Variants in SLC5A1 observed in about 807,000 individuals in gnomAD.
SLC5A1 encodes the protein solute carrier family 5 member 1, also known as sodium/glucose cotransporter 1.
In SLC5A1, 42 loss-of-function variants were observed where a neutral mutation model predicts 73.5. The ratio of observed to expected loss-of-function variants is 0.57; its 90% CI spans 0.45 to 0.74. The LOEUF (loss-of-function observed/expected upper bound fraction) is 0.74. SLC5A1 is among the 30% of genes least tolerant of loss of function. The probability of loss-of-function intolerance (pLI) is 0.00; values close to 1 mark genes in which losing one functional copy is unlikely to be tolerated. For synonymous variants in SLC5A1, 300 were observed against 317.4 expected (o/e 0.95, Z 0.58); for missense variants, 634 against 855.4 (o/e 0.74, Z 3.23).
chr22:32,054,051 TA>T (rs1869372733), intron 2 of SLC5A1, among the ~76,000 whole-genome samples: 2 of 152,116 alleles, frequency 1.3e-5, no homozygotes, highest in African/African-American at 4.8e-5. Flanking sequence ...CAGGTGCCTG[TA>T]ATCCCAGCTA....
At chr22:32,098,951 T>G (rs1275116734) in intron 11 of SLC5A1, among the ~76,000 whole-genome samples, 2 of 151,208 alleles carry the variant, frequency 1.3e-5, no homozygotes, top group African/African-American at 4.9e-5. Flanking sequence ...CCGGGCGTGG[T>G]GGCGGGCGCC....
At chr22:32,045,239 G>C (rs77803638) in intron 1 of SLC5A1, among the ~76,000 whole-genome samples, 2 of 152,022 alleles carry the variant, frequency 1.3e-5, no homozygotes, top group African/African-American at 4.8e-5. Context: ...TGATAATATC[G>C]GTTCTCTTAA....
In SLC5A1 at chr22:32,061,828, T is replaced by G. The variant is rs778454190; in HGVS notation, c.208-5107T>G. Reference sequence around the variant, plus strand: ...AGCTTGCTTCATTTTGGATGGCTCATGTTTGGAATAGTCTATTCAGGTCTG... The same window carrying G: ...AGCTTGCTTCATTTTGGATGGCTCAGGTTTGGAATAGTCTATTCAGGTCTG... On this transcript the variant is annotated intron_variant, in intron 2 of 14. Transcript: ENST00000266088. Among the ~76,000 whole-genome samples, 37 of 152,270 alleles carry G rather than the reference T, an allele frequency of 2.4e-4. 1 individual carries two copies. The highest frequency in any genetic ancestry group is 3.1e-4 in the Non-Finnish European group (21 of 68,022).
At chr22:32,101,084 CCT>C (rs2094035489) in intron 12 of SLC5A1, among the ~76,000 whole-genome samples, 1 of 152,054 alleles carries the variant, frequency 6.6e-6, no homozygotes, top group South Asian at 2.1e-4. Context: ...TGTACAAAGA[CCT>C]GGAGACAAAA....
intron 11 of SLC5A1, among the ~76,000 whole-genome samples, chr22:32,096,018 T>C (rs937668479): frequency 2.0e-5 from 3 of 152,178 alleles, no homozygotes; most frequent in African/African-American, 7.2e-5. Context: ...ATTTGGGCTG[T>C]CTCCTGGGTC....
intron 5 of SLC5A1, among the ~76,000 whole-genome samples, chr22:32,077,244 C>T (rs2093992484): frequency 6.6e-6 from 1 of 150,622 alleles, no homozygotes; most frequent in Non-Finnish European, 1.5e-5. Flanking sequence ...CCCTCCCTCC[C>T]TTCCTTCACT....
intron 5 of SLC5A1, among the ~76,000 whole-genome samples, chr22:32,073,574 T>C (rs182119729): frequency 0.013 from 1,929 of 152,270 alleles, 17 homozygotes; most frequent in South Asian, 0.024. Context: ...TTTGTTTTTT[T>C]AGATGTAGTT....
In SLC5A1 at chr22:32,110,626, ATT is replaced by A; in HGVS notation, c.*422_*423del. ...ACTTTTCCTGTCCGTCCTCCTCCCC[ATT>A]TTTTTTTTAAAAGAAAGCTGTTTTC... On this transcript the variant is annotated 3_prime_UTR_variant, in exon 15 of 15. Coordinates refer to ENST00000266088, the MANE Select transcript of SLC5A1 (RefSeq NM_000343.4). 8.0e-6 allele frequency: 2 copies of A among 248,606 alleles called. No homozygotes were observed. The highest frequency in any genetic ancestry group is 1.6e-5 in the Non-Finnish European group (2 of 127,294). The allele number at this position is 248,606 out of a possible 1,614,324, so 15.4% of individuals were successfully genotyped here. A position where few individuals can be genotyped will look rare whatever the true frequency, so the allele number is the denominator to read the frequency against.
Position 32,084,520 on chromosome 22 carries a change from C to A in SLC5A1, c.746C>A (p.Thr249Asn). The A allele has an allele frequency of 6.2e-7, 1 of 1,614,216 alleles. No homozygotes were observed. The highest frequency in any genetic ancestry group is 8.5e-7 in the Non-Finnish European group (1 of 1,180,026). ...AIPTIVSDGN[T>N]TFQEKCYTPR... is the part of the protein sequence containing the mutation. ...CCAACCATAGTGTCTGATGGCAACACCACCTTTCAGGAAAAATGCTACACT... is the reference window on the plus strand; with the variant it reads ...CCAACCATAGTGTCTGATGGCAACAACACCTTTCAGGAAAAATGCTACACT... The change falls in exon 8 of 15, where the codon ACC becomes AAC. Residue 249 changes from threonine to asparagine, a missense_variant. Physicochemically the swap from Thr to Asn is moderately conservative, Grantham distance 65. Coordinates refer to ENST00000266088, the MANE Select transcript of SLC5A1 (RefSeq NM_000343.4).
Position 32,109,984 on chromosome 22 carries a change from G to T in SLC5A1, c.1772-6G>T, listed in dbSNP as rs201685531. On this transcript the variant is annotated splice_region_variant and splice_polypyrimidine_tract_variant and intron_variant, in intron 14 of 14. Transcript: ENST00000266088. Reference sequence around the variant, plus strand: ...TGTCCAATAATTCTTCTATGCCTTTGCCCAGAAACACAAGTTCCTGAGAAG... The same window carrying T: ...TGTCCAATAATTCTTCTATGCCTTTTCCCAGAAACACAAGTTCCTGAGAAG... The T allele has an allele frequency of 8.1e-6, 13 of 1,612,454 alleles. No individual in the cohort carries two copies. In the Admixed American group the frequency reaches 2.0e-4, roughly 25 times the overall value.
chr22:32,064,759 C>T (rs1277902638), intron 2 of SLC5A1, among the ~76,000 whole-genome samples: 1 of 152,178 alleles, frequency 6.6e-6, no homozygotes, highest in African/African-American at 2.4e-5. Flanking sequence ...ACTGCTGTCA[C>T]CCTAGTCCAA....
intron 6 of SLC5A1, 137 bp from the exon 7 acceptor site, chr22:32,082,937 G>A: frequency 1.3e-6 from 1 of 744,462 alleles, no homozygotes; most frequent in South Asian, 1.5e-5. Context: ...GGGAGGGAAG[G>A]AAGGAGAGGC....
At chr22:32,077,885 C>CTT (rs2093993513) in intron 5 of SLC5A1, among the ~76,000 whole-genome samples, 1 of 152,144 alleles carries the variant, frequency 6.6e-6, no homozygotes, top group African/African-American at 2.4e-5. Context: ...AAAATTTCTG[C>CTT]TTCCTGCACT....
At chr22:32,095,683 T>G (rs555393065) in intron 11 of SLC5A1, among the ~76,000 whole-genome samples, 1 of 152,346 alleles carries the variant, frequency 6.6e-6, no homozygotes, top group East Asian at 1.9e-4. Flanking sequence ...GTGCTCACTT[T>G]TGGTATCCAC....
chr22:32,099,105 A>AAAATATATATATATATATATATAT (rs1555967851), intron 11 of SLC5A1, 78 bp from the exon 12 acceptor site: 1 of 56,522 alleles, frequency 1.8e-5, no homozygotes, highest in Non-Finnish European at 3.3e-5. Flanking sequence ...AAAAAAAAAA[A>AAAATATATATATATATATATATAT]ATATATATAT....
chr22:32,089,457 C>T (rs1020699694), intron 10 of SLC5A1, among the ~76,000 whole-genome samples: 1 of 152,270 alleles, frequency 6.6e-6, no homozygotes, highest in Non-Finnish European at 1.5e-5. Flanking sequence ...CAGATCTAAC[C>T]AGCTGAAGTT....
chr22:32,077,888 C>T (rs895649508), intron 5 of SLC5A1, among the ~76,000 whole-genome samples: 1 of 152,128 alleles, frequency 6.6e-6, no homozygotes, highest in Non-Finnish European at 1.5e-5. Context: ...ATTTCTGCTT[C>T]CTGCACTTTT....
chr22:32,049,637 C>T, intron 1 of SLC5A1, among the ~76,000 whole-genome samples: 1 of 151,772 alleles, frequency 6.6e-6, no homozygotes. Context: ...CCATTCCTGC[C>T]ATTTAACAGA....
Position 32,082,978 on chromosome 22 carries a change from G to T in SLC5A1, c.584-96G>T, listed in dbSNP as rs921635925. The T allele has an allele frequency of 3.2e-6, 3 of 946,526 alleles. 1 individual carries two copies. The East Asian group carries it at 8.2e-5, about 26-fold the overall frequency. The allele number at this position is 946,526 out of a possible 1,614,324, so 58.6% of individuals were successfully genotyped here. Reference sequence around the variant, plus strand: ...AACCACTGTGGGGATGTTCTCAGAAGGCCAGCAGAAGTAGAGGGTGGAGAG... The same window carrying T: ...AACCACTGTGGGGATGTTCTCAGAATGCCAGCAGAAGTAGAGGGTGGAGAG... On this transcript the variant is annotated intron_variant, in intron 6 of 14. Transcript: ENST00000266088.
Sources: allele counts gnomAD v4.1 joint callset (sites outside exome capture counted in the v4.1 genomes callset), GRCh38; gene constraint gnomAD v4.1.1; transcripts MANE v1.5; gene names NCBI Gene and HGNC (gene_info 2026-07-23, HGNC 2026-07-21).